Variants in FASTKD3 observed in about 807,000 individuals in gnomAD.
FASTKD3 encodes the protein FAST kinase domain-containing protein 3, mitochondrial.
In FASTKD3, 47 loss-of-function variants were observed where a neutral mutation model predicts 49.7. The ratio of observed to expected loss-of-function variants is 0.95; its 90% CI spans 0.75 to 1.21. FASTKD3 has a LOEUF of 1.21. Ranked by LOEUF, FASTKD3 falls within the 50% of genes most tolerant of loss-of-function variation. FASTKD3 has a pLI of 0.00. For missense variants in FASTKD3, 748 were observed against 765.7 expected (o/e 0.98, Z 0.27); for synonymous variants, 284 against 288.6 (o/e 0.98, Z 0.16).
At position 7,866,961 on chromosome 5, in the gene FASTKD3, T is replaced by A; in HGVS notation, c.1123A>T (p.Met375Leu). 1.9e-6 allele frequency: 3 copies of A among 1,614,192 alleles called. No individual in the cohort carries two copies. The highest frequency in any genetic ancestry group is 2.5e-6 in the Non-Finnish European group (3 of 1,180,044). Residue 375 changes from methionine (M) to leucine (L), a missense_variant, in exon 2 of 7, where the codon ATG becomes TTG. Coordinates refer to ENST00000264669, the MANE Select transcript of FASTKD3 (RefSeq NM_024091.4). ...TLDPEVVCRV[M>L]EYCSRELILS... ...ATCAGTTCTCTACTGCAGTACTCCATGACCCTGCAGACAACTTCAGGATCC... is the reference window on the plus strand; with the variant it reads ...ATCAGTTCTCTACTGCAGTACTCCAAGACCCTGCAGACAACTTCAGGATCC...
At chr5:7,865,032 T>C (rs1462371655) in intron 3 of FASTKD3, among the ~76,000 whole-genome samples, 1 of 152,186 alleles carries the variant, frequency 6.6e-6, no homozygotes, top group Non-Finnish European at 1.5e-5. Context: ...AAAGAATGCA[T>C]GTGATCTGTA....
chr5:7,861,063 C>T (rs999724546), intron 6 of FASTKD3, 86 bp downstream of exon 6: 1 of 782,506 alleles, frequency 1.3e-6, no homozygotes, highest in Non-Finnish European at 2.1e-6. Context: ...TACTGTGCCT[C>T]AGATTACTTT....
rs1372994548 is a variant in FASTKD3 at position 7,867,289 on chromosome 5, T to C, written c.795A>G (p.Ala265=). The C allele has an allele frequency of 1.2e-6, 2 of 1,613,786 alleles. No individual in the cohort carries two copies. Among genetic ancestry groups the C allele is most frequent in the Non-Finnish European group, 1.7e-6 (2 of 1,180,032 alleles). ...DIVALYRILQ[A]CTEKVDEHQT... is the part of the protein sequence containing the mutation. The stretch of plus-strand genomic sequence containing the variant: ...GGTGTTCATCCACTTTTTCAGTACA[T>C]GCCTGCAAGATTCTATAAAGGGCCA... Residue 265 remains alanine, a synonymous_variant, in exon 2 of 7, where the codon GCA becomes GCG. Transcript: ENST00000264669.
Position 7,859,447 on chromosome 5 carries a change from C to T in FASTKD3, c.1977G>A (p.Trp659Ter). 6.3e-7 allele frequency: 1 copy of T among 1,596,208 alleles called. No homozygotes were observed. Among genetic ancestry groups the T allele is most frequent in the South Asian group, 1.1e-5 (1 of 88,602 alleles). The change falls in exon 7 of 7, where the codon TGG becomes TGA. Residue 659 changes from tryptophan to a stop codon, truncating the protein, a stop_gained. Transcript: ENST00000264669. LOFTEE classifies it high-confidence loss of function. ...RKLFSQNTVH[W>*]LQE ...CTGAAGTCAGTATTCATTCTTGCAA[C>T]CAATGAACAGTGTTTTGAGAAAACA...
intron 3 of FASTKD3, 107 bp downstream of exon 3, chr5:7,865,791 A>G (rs1313903465): frequency 1.2e-6 from 1 of 800,270 alleles, no homozygotes; most frequent in African/African-American, 1.7e-5. Flanking sequence ...ACTCCAAGTA[A>G]ATGAAATTCT....
intron 1 of FASTKD3, 40 bp downstream of exon 1, chr5:7,868,939 A>T: frequency 1.5e-6 from 1 of 681,562 alleles, no homozygotes; most frequent in Non-Finnish European, 2.7e-6. Context: ...TTTGACACCC[A>T]GCCGGACCAA....
chr5:7,867,000 C>A lies in FASTKD3; in HGVS notation c.1084G>T (p.Val362Leu), dbSNP rs1269631100. Residue 362 changes from valine to leucine, a missense_variant, in exon 2 of 7, where the codon GTG (valine) becomes TTG (leucine). Coordinates refer to ENST00000264669, the MANE Select transcript of FASTKD3 (RefSeq NM_024091.4). ...ACTTCAGGATCCAACGTGAGGCACA[C>A]CGCAGCTACACGATGCTCTAGGGCT... is the stretch of plus-strand genomic sequence containing the variant. The part of the protein sequence containing the change: ...TKALEHRVAA[V>L]CLTLDPEVVC... The A allele has an allele frequency of 6.2e-6, 10 of 1,614,216 alleles. No homozygotes were observed. Among genetic ancestry groups the A allele is most frequent in the Non-Finnish European group, 8.5e-6 (10 of 1,180,030 alleles).
At chr5:7,859,870 T>C (rs1176829419) in intron 6 of FASTKD3, among the ~76,000 whole-genome samples, 2 of 152,294 alleles carry the variant, frequency 1.3e-5, no homozygotes, top group East Asian at 1.9e-4. Context: ...AGGTTGGTGA[T>C]CTAGTGCTAA....
chr5:7,866,577 T>A, intron 2 of FASTKD3, 69 bp downstream of exon 2: 1 of 1,183,390 alleles, frequency 8.5e-7, no homozygotes. Context: ...TGCCTTTATA[T>A]GTGACTTGAA....
chr5:7,862,559 C>G (rs1488609865), intron 4 of FASTKD3, among the ~76,000 whole-genome samples: 1 of 151,968 alleles, frequency 6.6e-6, no homozygotes. Flanking sequence ...GTCAATATTA[C>G]TATCATTTTA....
chr5:7,864,311 TAAAA>T (rs1013210791), intron 3 of FASTKD3, among the ~76,000 whole-genome samples: 11 of 152,238 alleles, frequency 7.2e-5, no homozygotes, highest in African/African-American at 2.4e-4. Flanking sequence ...AATACATAAA[TAAAA>T]ATTCAATTTT....
intron 1 of FASTKD3, among the ~76,000 whole-genome samples, chr5:7,868,557 A>C (rs1747240712): frequency 6.6e-6 from 1 of 152,216 alleles, no homozygotes; most frequent in Non-Finnish European, 1.5e-5. Context: ...GGGCAAAATT[A>C]GGCGAGGTTA....
chr5:7,859,924 A>G (rs766366057), intron 6 of FASTKD3, among the ~76,000 whole-genome samples: 8 of 152,138 alleles, frequency 5.3e-5, no homozygotes, highest in Admixed American at 6.5e-5. Flanking sequence ...GATGCCGACA[A>G]ACTGCTGGAA....
intron 2 of FASTKD3, among the ~76,000 whole-genome samples, chr5:7,866,427 G>A (rs1180429226): frequency 6.6e-6 from 1 of 152,046 alleles, no homozygotes; most frequent in African/African-American, 2.4e-5. Flanking sequence ...TCTCAGATAA[G>A]GCAAAAGTCA....
chr5:7,862,823 C>T lies in FASTKD3; in HGVS notation c.1699G>A (p.Asp567Asn). 1 of 1,610,080 alleles carries T rather than the reference C, an allele frequency of 6.2e-7. No homozygotes were observed. The highest frequency in any genetic ancestry group is 8.5e-7 in the Non-Finnish European group (1 of 1,177,968). Residue 567 changes from aspartate (D) to asparagine (N), a missense_variant and splice_region_variant, in exon 4 of 7, where the codon GAT (aspartate) becomes AAT (asparagine). Asp to Asn is a conservative substitution (Grantham distance 23, BLOSUM62 1). Coordinates refer to ENST00000264669, the MANE Select transcript of FASTKD3 (RefSeq NM_024091.4). The stretch of plus-strand genomic sequence containing the variant: ...CAACAAAACTCCTTATACTACTTAC[C>T]TATTGTATAACAATAGGGTGTCAAC... ...KVLTPYCYTI[D>N]VEIKLDEEGF...
Position 7,867,784 on chromosome 5 carries a change from C to G in FASTKD3, c.300G>C (p.Gln100His), listed in dbSNP as rs967028899. The G allele has an allele frequency of 6.2e-7, 1 of 1,614,212 alleles. No homozygotes were observed. Residue 100 changes from glutamine (Q) to histidine (H), a missense_variant, in exon 2 of 7, where the codon CAG becomes CAC. Gln to His is a conservative substitution (Grantham distance 24). Around this residue, in one of 3 missense-constraint regions of FASTKD3, gnomAD observed 564 missense variants for 562.8 expected, o/e 1.00. Transcript: ENST00000264669. ...AGTTGCTCAGTCTCCTGTAAAACAT[C>G]TGACTCTCCTCATTTTTAACATTTT... ...LEQNVKNEES[Q>H]MFYRRLSNLT...
In FASTKD3 at chr5:7,867,056, T is replaced by C. The variant is rs143628669; in HGVS notation, c.1028A>G (p.Tyr343Cys). The C allele has an allele frequency of 1.2e-6, 2 of 1,614,032 alleles. No individual in the cohort carries two copies. The highest frequency in any genetic ancestry group is 2.2e-5 in the East Asian group (1 of 44,896). ...ELRRVLEAFIYFGHHDTFFTK... is the reference protein window; with the variant it reads ...ELRRVLEAFICFGHHDTFFTK... ...AAAAAATGTGTCATGGTGCCCAAAA[T>C]ATATGAACGCCTCCAAGACTCTCCT... The change falls in exon 2 of 7, where the codon TAT becomes TGT. Residue 343 changes from tyrosine (Y) to cysteine (C), a missense_variant. This residue lies in a region of FASTKD3 where 564 missense variants were observed against 562.8 expected (regional missense o/e 1.00). Coordinates refer to ENST00000264669, the MANE Select transcript of FASTKD3 (RefSeq NM_024091.4).
chr5:7,868,372 A>G (rs1449488010), intron 1 of FASTKD3, among the ~76,000 whole-genome samples, 176 bp from the exon 2 acceptor site: 1 of 152,088 alleles, frequency 6.6e-6, no homozygotes, highest in Non-Finnish European at 1.5e-5. Context: ...TACTTTTACT[A>G]TCATTTTACA....
chr5:7,865,982 AC>A lies in FASTKD3; in HGVS notation c.1439del (p.Gly480ValfsTer9). The A allele has an allele frequency of 1.9e-6, 3 of 1,613,256 alleles. No individual in the cohort carries two copies. Among genetic ancestry groups the A allele is most frequent in the Non-Finnish European group, 1.7e-6 (2 of 1,179,338 alleles). ...FKPLFLQRLQ[G>X]KESHLDTLSR... ...TCAATGTGTCCAAATGAGATTCTTT[AC>A]CTGAAACAGAAAGCATCCCAGTCAT... On this transcript the variant is annotated frameshift_variant and splice_region_variant, in exon 3 of 7. Coordinates refer to ENST00000264669, the MANE Select transcript of FASTKD3 (RefSeq NM_024091.4). LOFTEE classifies it high-confidence loss of function.
Sources: gnomAD v4.1 joint callset for allele counts (sites outside exome capture counted in the v4.1 genomes callset) on GRCh38, gnomAD v4.1.1 for gene constraint, gnomAD v4.1.1 regional missense constraint, MANE v1.5 for transcripts, NCBI Gene and HGNC (gene_info 2026-07-23, HGNC 2026-07-21) for gene names.